The following SASH1 variants were observed in gnomAD, a reference collection of about 807,000 sequenced individuals.
The protein encoded by SASH1 is SAM and SH3 domain containing 1.
Under a neutral mutation model 125.2 loss-of-function variants are expected in SASH1, and 44 were observed. That is an observed-to-expected ratio of 0.35 (90% CI 0.28 to 0.45). SASH1 has a LOEUF of 0.45. SASH1 is among the 20% of genes least tolerant of loss of function. The pLI is 1.00. For synonymous variants in SASH1, 639 were observed against 649.1 expected, an observed-to-expected ratio of 0.98 and a Z score of 0.24; for missense variants, 1,426 against 1,614.5, an observed-to-expected ratio of 0.88 and a Z score of 2.00.
At chr6:148,497,973 A>G (rs559620418) in intron 8 of SASH1, among the ~76,000 whole-genome samples, 28 of 152,264 alleles carry the variant, frequency 1.8e-4, no homozygotes, top group African/African-American at 6.5e-4. Flanking sequence ...AGGCACTCTC[A>G]TGGCAGGCCC....
At chr6:148,355,889 A>C (rs951164304) in intron 1 of SASH1, among the ~76,000 whole-genome samples, 2 of 152,128 alleles carry the variant, frequency 1.3e-5, no homozygotes, top group African/African-American at 4.8e-5. Flanking sequence ...AAATTTCAAT[A>C]GTTTTTGGGG....
intron 1 of SASH1, among the ~76,000 whole-genome samples, chr6:148,388,279 G>A (rs1314359794): frequency 2.0e-5 from 3 of 152,180 alleles, no homozygotes; most frequent in African/African-American, 7.2e-5. Flanking sequence ...GAGGCTGAGG[G>A]CCACGGTGCA....
intron 1 of SASH1, among the ~76,000 whole-genome samples, chr6:148,318,243 T>G (rs187626593): frequency 3.5e-4 from 53 of 152,304 alleles, no homozygotes; most frequent in African/African-American, 1.3e-3. Context: ...GCAGGCATGT[T>G]TTGCCAGGCA....
chr6:148,435,481 C>A (rs1776257170), intron 2 of SASH1, among the ~76,000 whole-genome samples: 2 of 151,358 alleles, frequency 1.3e-5, no homozygotes, highest in South Asian at 4.2e-4. Context: ...GAATGCATTT[C>A]TTCATGTCCC....
In SASH1 at chr6:148,343,067, C is replaced by T. The variant is rs1374388960; in HGVS notation, c.-1C>T. ...GCACGGCCCGCGCGCGGGACACGGC[C>T]ATGGAGGACGCGGGAGCAGCTGGCC... On this transcript the variant is annotated 5_prime_UTR_variant, in exon 1 of 20. Transcript: ENST00000367467. 2.7e-6 allele frequency: 4 copies of T among 1,488,776 alleles called. No individual in the cohort carries two copies. Among genetic ancestry groups the T allele is most frequent in the Admixed American group, 2.1e-5 (1 of 47,206 alleles). The allele number at this position is 1,488,776 out of a possible 1,614,324, so 92.2% of individuals were successfully genotyped here. A position where few individuals can be genotyped will look rare whatever the true frequency, so the allele number is the denominator to read the frequency against.
intron 7 of SASH1, among the ~76,000 whole-genome samples, chr6:148,475,815 C>T (rs1479261639): frequency 6.6e-6 from 1 of 152,160 alleles, no homozygotes; most frequent in Non-Finnish European, 1.5e-5. Flanking sequence ...CCTATACATA[C>T]TATGTATGTT....
At chr6:148,307,054 TTCTTTCTTTCTTTC>T (rs1780153684) in intron 1 of SASH1, among the ~76,000 whole-genome samples, 1 of 145,932 alleles carries the variant, frequency 6.9e-6, no homozygotes, top group Non-Finnish European at 1.5e-5. Context: ...CTTTCTTTCT[TTCTTTCTTTCTTTC>T]TTTCTTTCTT....
At chr6:148,442,291 C>T (rs1425610373) in intron 4 of SASH1, among the ~76,000 whole-genome samples, 1 of 151,782 alleles carries the variant, frequency 6.6e-6, no homozygotes, top group African/African-American at 2.4e-5. Flanking sequence ...CCTGTAGTCC[C>T]AGCTACTCGT....
rs374052577 is a variant in SASH1 at position 148,487,727 on chromosome 6, A to T, written c.729+12A>T. The T allele has an allele frequency of 3.2e-6, 5 of 1,573,306 alleles. No individual in the cohort carries two copies. Among genetic ancestry groups the T allele is most frequent in the East Asian group, 2.2e-5 (1 of 44,568 alleles). On this transcript the variant is annotated intron_variant, in intron 8 of 19. Transcript: ENST00000367467. ...CATCAAACTGCAATGTGAGTTTATC[A>T]TGTCTTTGACATCTTGATCACCTAC... is the stretch of plus-strand genomic sequence containing the variant.
At chr6:148,534,684 T>C in intron 15 of SASH1, 67 bp from the exon 16 acceptor site, 1 of 1,496,124 alleles carries the variant, frequency 6.7e-7, no homozygotes, top group Non-Finnish European at 9.3e-7. Flanking sequence ...TGCAGGCTAG[T>C]TGTTGGCGGT....
chr6:148,402,579 G>C (rs1784211769), intron 2 of SASH1, among the ~76,000 whole-genome samples: 1 of 151,208 alleles, frequency 6.6e-6, no homozygotes, highest in African/African-American at 2.4e-5. Context: ...AAAGTGCTGG[G>C]ATTACAGGGG....
intron 2 of SASH1, among the ~76,000 whole-genome samples, chr6:148,418,055 A>G (rs1292565279): frequency 1.3e-5 from 2 of 152,194 alleles, no homozygotes; most frequent in Admixed American, 6.5e-5. Flanking sequence ...AAACAAACCC[A>G]GTGGTCCTAG....
Position 148,448,134 on chromosome 6 carries a change from GTGTGTA to G in SASH1, c.386+7733_386+7738del, listed in dbSNP as rs1268090948. On this transcript the variant is annotated intron_variant, in intron 4 of 19. Coordinates refer to ENST00000367467, the MANE Select transcript of SASH1 (RefSeq NM_015278.5). ...GGAGAGAGTGTGTGTGTGTGTGTGT[GTGTGTA>G]TGTGTGTGTGTGCGTGCGTGCGTGC... Among the ~76,000 whole-genome samples the G allele has an allele frequency of 8.8e-3, 1,329 of 151,564 alleles. 23 individuals carry two copies. Among genetic ancestry groups the G allele is most frequent in the African/African-American group, 0.03 (1,252 of 41,092 alleles).
At chr6:148,246,380 T>C in the SASH1 span, among the ~76,000 whole-genome samples, 1 of 152,346 alleles carries the variant, frequency 6.6e-6, no homozygotes, top group Non-Finnish European at 1.5e-5. Context: ...GTAATGTTTA[T>C]GTGTGTGTGC....
the SASH1 span, among the ~76,000 whole-genome samples, chr6:148,194,040 C>T: frequency 6.6e-6 from 1 of 152,196 alleles, no homozygotes; most frequent in Non-Finnish European, 1.5e-5. Context: ...TATACATAAA[C>T]ATGATCAGAA....
chr6:148,395,267 A>C (rs1292969254), intron 2 of SASH1, among the ~76,000 whole-genome samples: 2 of 152,240 alleles, frequency 1.3e-5, no homozygotes, highest in African/African-American at 4.8e-5. Context: ...TTTGGCTTTA[A>C]AAAGTCAAAA....
At chr6:148,361,142 C>T (rs187483915) in intron 1 of SASH1, among the ~76,000 whole-genome samples, 30 of 152,140 alleles carry the variant, frequency 2.0e-4, no homozygotes, top group African/African-American at 6.3e-4. Context: ...TAGGAAGTGG[C>T]GAGGACCTCT....
chr6:148,427,455 T>G (rs184455893), intron 2 of SASH1, among the ~76,000 whole-genome samples: 1 of 152,334 alleles, frequency 6.6e-6, no homozygotes, highest in Non-Finnish European at 1.5e-5. Flanking sequence ...AAAGGTGCAT[T>G]CTTCTAACAC....
the SASH1 span, among the ~76,000 whole-genome samples, chr6:148,242,128 G>C: frequency 5.3e-4 from 81 of 152,320 alleles, no homozygotes; most frequent in African/African-American, 1.9e-3. Context: ...AGGATTAACT[G>C]TAGTCAACCA....
Sources: gnomAD v4.1 joint callset for allele counts (sites outside exome capture counted in the v4.1 genomes callset) on GRCh38, gnomAD v4.1.1 for gene constraint, MANE v1.5 for transcripts, NCBI Gene and HGNC (gene_info 2026-07-23, HGNC 2026-07-21) for gene names.